Variants in HOXB3 observed in about 807,000 individuals in gnomAD.
HOXB3 encodes the protein homeobox protein Hox-B3.
A neutral mutation model predicts 29.2 loss-of-function variants in HOXB3; 17 were observed. The observed-to-expected ratio is 0.58, with a 90% CI of 0.40 to 0.87. The LOEUF (loss-of-function observed/expected upper bound fraction) is 0.87. HOXB3 is among the 40% of genes least tolerant of loss of function. The pLI is 0.00. For missense variants in HOXB3, 637 were observed against 616.3 expected, an observed-to-expected ratio of 1.03 and a Z score of -0.35; for synonymous variants, 317 against 285.9, an observed-to-expected ratio of 1.11 and a Z score of -1.10.
At chr17:48,588,828 G>A (rs1218844814) in intron 1 of HOXB3, among the ~76,000 whole-genome samples, 1 of 152,200 alleles carries the variant, frequency 6.6e-6, no homozygotes, top group Non-Finnish European at 1.5e-5. Context: ...AGTGGCTTCA[G>A]GAGAAAGAGG....
intron 1 of HOXB3, chr17:48,576,421 CTCTT>C (rs146689001): frequency 0.047 from 13,844 of 293,978 alleles, 418 homozygotes; most frequent in South Asian, 0.063. Context: ...CCTCCTATTT[CTCTT>C]TCTGTCTTTT....
chr17:48,577,460 A>G (rs1417566705), intron 1 of HOXB3, among the ~76,000 whole-genome samples: 1 of 152,194 alleles, frequency 6.6e-6, no homozygotes, highest in African/African-American at 2.4e-5. Context: ...CCAGCCAAGG[A>G]GTCAGACTGG....
At chr17:48,586,687 C>T (rs1009210847) in intron 1 of HOXB3, among the ~76,000 whole-genome samples, 1 of 152,202 alleles carries the variant, frequency 6.6e-6, no homozygotes, top group Non-Finnish European at 1.5e-5. Flanking sequence ...TCATTTGCGC[C>T]TCCTTCCTTT....
rs542306699 is a variant in HOXB3 at position 48,549,275 on chromosome 17, T to G, written c.*1059A>C. The G allele has an allele frequency of 7.2e-5, 11 of 152,606 alleles. No individual in the cohort carries two copies. Among genetic ancestry groups the G allele is most frequent in the African/African-American group, 2.4e-4 (10 of 41,524 alleles). The allele number at this position is 152,606 out of a possible 1,614,324, so 9.5% of individuals were successfully genotyped here. A position where few individuals can be genotyped will look rare whatever the true frequency, so the allele number is the denominator to read the frequency against. On this transcript the variant is annotated 3_prime_UTR_variant, in exon 5 of 5. Coordinates refer to ENST00000498678, the MANE Select transcript of HOXB3 (RefSeq NM_001384749.1). ...TTTAACAGGCTATAACCAATAAATA[T>G]ATATGAAAATGTTCACTAGAACACA...
chr17:48,550,217 C>T lies in HOXB3; in HGVS notation c.*117G>A, dbSNP rs185335892. 557 of 1,416,346 alleles carry T rather than the reference C, an allele frequency of 3.9e-4. 11 individuals carry two copies. The East Asian group carries it at 9.1e-3, about 23-fold the overall frequency. 87.7% of individuals were successfully genotyped at this position (1,416,346 alleles called of 1,614,324 possible). ...GAAGGAGCTCCAGGCCGGTTCTGAC[C>T]AGGAAGCCTGGGTACCACCTTCTCT... On this transcript the variant is annotated 3_prime_UTR_variant, in exon 5 of 5. Transcript: ENST00000498678.
Position 48,552,636 on chromosome 17 carries a change from C to A in HOXB3, c.-158-4G>T. 1 of 572,464 alleles carries A rather than the reference C, an allele frequency of 1.7e-6. No individual in the cohort carries two copies. The highest frequency in any genetic ancestry group is 3.1e-6 in the Non-Finnish European group (1 of 327,632). 35.5% of individuals were successfully genotyped at this position (572,464 alleles called of 1,614,324 possible). Reference sequence around the variant, plus strand: ...GGGTCTGTTCCAAGCGGCTGACCTGCGAGGCGAGAGAAGAGACACAAGGGG... The same window carrying A: ...GGGTCTGTTCCAAGCGGCTGACCTGAGAGGCGAGAGAAGAGACACAAGGGG... On this transcript the variant is annotated splice_region_variant and splice_polypyrimidine_tract_variant and intron_variant, in intron 3 of 4. Transcript: ENST00000498678.
chr17:48,551,063 CTT>C lies in HOXB3; in HGVS notation c.565_566del (p.Lys189AlafsTer21). On this transcript the variant is annotated frameshift_variant, in exon 5 of 5. Transcript: ENST00000498678. LOFTEE classifies it high-confidence loss of function. The stretch of plus-strand genomic sequence containing the variant: ...CGCTCGTGTACGCCGTCCGCGCCCG[CTT>C]GGACGCCGCCGACCCCGGGGGGCTC... The part of the protein sequence containing the change: ...DKSPPGSAAS[K>X]RARTAYTSAQ... The C allele has an allele frequency of 6.4e-7, 1 of 1,560,814 alleles. No individual in the cohort carries two copies. The highest frequency in any genetic ancestry group is 8.7e-7 in the Non-Finnish European group (1 of 1,149,640).
intron 1 of HOXB3, among the ~76,000 whole-genome samples, chr17:48,588,312 G>A (rs76492956): frequency 0.018 from 2,737 of 152,330 alleles, 84 homozygotes; most frequent in African/African-American, 0.062. Flanking sequence ...TGAGGTGGAA[G>A]TGGGCACCCC....
At chr17:48,567,986 C>T (rs2069444903) in intron 2 of HOXB3, among the ~76,000 whole-genome samples, 1 of 152,088 alleles carries the variant, frequency 6.6e-6, no homozygotes, top group African/African-American at 2.4e-5. Context: ...CCTTTGACCA[C>T]CCCCCAGACA....
chr17:48,589,519 G>A (rs753477499), intron 1 of HOXB3, among the ~76,000 whole-genome samples: 2 of 152,176 alleles, frequency 1.3e-5, no homozygotes, highest in African/African-American at 2.4e-5. Flanking sequence ...CAAAAGCAGC[G>A]CTGTGCTCCC....
At chr17:48,573,098 G>C (rs927820797) in intron 2 of HOXB3, among the ~76,000 whole-genome samples, 1 of 152,164 alleles carries the variant, frequency 6.6e-6, no homozygotes, top group Non-Finnish European at 1.5e-5. Context: ...GGAGAGAACA[G>C]AGACCTCAAA....
intron 1 of HOXB3, chr17:48,577,042 G>C: frequency 6.5e-7 from 1 of 1,542,698 alleles, no homozygotes; most frequent in Non-Finnish European, 8.7e-7. Context: ...CGGAGAGAGG[G>C]AGAAAGAGAA....
At chr17:48,574,303 A>G (rs565963293) in intron 1 of HOXB3, 1 of 164,584 alleles carries the variant, frequency 6.1e-6, no homozygotes, top group South Asian at 1.6e-4. Flanking sequence ...CCACACCGCA[A>G]TCCGACCGAA....
Position 48,552,634 on chromosome 17 carries a change from T to C in HOXB3, c.-158-2A>G. ...CGGGGTCTGTTCCAAGCGGCTGACC[T>C]GCGAGGCGAGAGAAGAGACACAAGG... On this transcript the variant is annotated splice_acceptor_variant, in intron 3 of 4. Coordinates refer to ENST00000498678, the MANE Select transcript of HOXB3 (RefSeq NM_001384749.1). LOFTEE classifies it low-confidence loss of function (5UTR_SPLICE). 2 of 556,664 alleles carry C rather than the reference T, an allele frequency of 3.6e-6. No individual in the cohort carries two copies. 34.5% of individuals were successfully genotyped at this position (556,664 alleles called of 1,614,324 possible).
chr17:48,588,694 A>G (rs2144923927), intron 1 of HOXB3, among the ~76,000 whole-genome samples: 1 of 152,348 alleles, frequency 6.6e-6, no homozygotes, highest in African/African-American at 2.4e-5. Context: ...TCTAAGGGAT[A>G]CAAATGCCCT....
chr17:48,562,478 C>A (rs141721721), intron 2 of HOXB3, among the ~76,000 whole-genome samples: 2 of 152,184 alleles, frequency 1.3e-5, no homozygotes, highest in African/African-American at 2.4e-5. Flanking sequence ...TCCCTACCCC[C>A]AAAGCTGTGC....
Position 48,550,844 on chromosome 17 carries a change from G to A in HOXB3, c.786C>T (p.Ala262=), listed in dbSNP as rs200298834. 1.9e-6 allele frequency: 3 copies of A among 1,613,902 alleles called. No homozygotes were observed. The highest frequency in any genetic ancestry group is 2.5e-6 in the Non-Finnish European group (3 of 1,179,918). ...ACTGCATGGGCTGCGGGGGGCTGCC[G>A]GCTGGAGATGGGCCCCCCGACGACG... is the stretch of plus-strand genomic sequence containing the variant. ...LASSSGGPSP[A]GSPPQPMQST... is the part of the protein sequence containing the mutation. Residue 262 remains alanine (A), a synonymous_variant, in exon 5 of 5, where the codon GCC becomes GCT. Transcript: ENST00000498678.
chr17:48,567,138 G>T (rs2144834546), intron 2 of HOXB3, among the ~76,000 whole-genome samples: 1 of 152,236 alleles, frequency 6.6e-6, no homozygotes, highest in South Asian at 2.1e-4. Flanking sequence ...CTTTTCAACT[G>T]AGACTCCTGA....
Position 48,550,778 on chromosome 17 carries a change from G to A in HOXB3, c.852C>T (p.Pro284=). ...CGGGTGGGGACGGGCTCTCGTAGCT[G>A]GGGGTCATGGAGTGTAAGGCGTTCA... ...GFMNALHSMT[P]SYESPSPPAF... is the part of the protein sequence containing the mutation. Residue 284 remains proline, a synonymous_variant, in exon 5 of 5, where the codon CCC becomes CCT. Coordinates refer to ENST00000498678, the MANE Select transcript of HOXB3 (RefSeq NM_001384749.1). The A allele has an allele frequency of 1.2e-6, 2 of 1,605,702 alleles. No homozygotes were observed. The highest frequency in any genetic ancestry group is 1.7e-6 in the Non-Finnish European group (2 of 1,173,918).
Sources: allele counts gnomAD v4.1 joint callset (sites outside exome capture counted in the v4.1 genomes callset), GRCh38; gene constraint gnomAD v4.1.1; transcripts MANE v1.5; gene names NCBI Gene and HGNC (gene_info 2026-07-23, HGNC 2026-07-21).